Variants in MLIP observed in about 807,000 individuals in gnomAD.
MLIP encodes the protein muscular LMNA interacting protein.
In MLIP, 79 loss-of-function variants were observed where a neutral mutation model predicts 84.8. The ratio of observed to expected loss-of-function variants is 0.93; its 90% CI spans 0.78 to 1.12. MLIP has a LOEUF of 1.12. Among genes scored for constraint, MLIP ranks in the 50% most tolerant of loss-of-function variants. The pLI, the probability that MLIP is intolerant of heterozygous loss-of-function variation, is 0.00. For synonymous variants in MLIP, 504 were observed against 463.0 expected, an observed-to-expected ratio of 1.09 and a Z score of -1.14; for missense variants, 1,257 against 1,160.6, an observed-to-expected ratio of 1.08 and a Z score of -1.21.
At chr6:54,055,951 A>G (rs180832276) in intron 1 of MLIP, among the ~76,000 whole-genome samples, 1 of 152,158 alleles carries the variant, frequency 6.6e-6, no homozygotes, top group Non-Finnish European at 1.5e-5. Flanking sequence ...GATGTGGGTT[A>G]TCTGTGAGTT....
At chr6:54,115,182 T>C (rs1416106644) in intron 1 of MLIP, among the ~76,000 whole-genome samples, 1 of 151,996 alleles carries the variant, frequency 6.6e-6, no homozygotes, top group Non-Finnish European at 1.5e-5. Context: ...GTAGGTGTGG[T>C]TGTGTGGTTT....
At chr6:54,085,471 C>T (rs549075980) in intron 1 of MLIP, among the ~76,000 whole-genome samples, 2 of 152,266 alleles carry the variant, frequency 1.3e-5, no homozygotes, top group South Asian at 4.1e-4. Flanking sequence ...GTCTGGCACA[C>T]AGTAAACTTT....
At chr6:54,165,995 T>G (rs967618991) in intron 8 of MLIP, among the ~76,000 whole-genome samples, 1 of 151,852 alleles carries the variant, frequency 6.6e-6, no homozygotes, top group Non-Finnish European at 1.5e-5. Flanking sequence ...AGACACCAAA[T>G]CTGCTAGTGC....
intron 10 of MLIP, among the ~76,000 whole-genome samples, chr6:54,192,410 T>C (rs1778005823): frequency 6.6e-6 from 1 of 152,062 alleles, no homozygotes; most frequent in Non-Finnish European, 1.5e-5. Context: ...GTGAAATAAA[T>C]AGTGGAAAAT....
chr6:54,242,162 G>GA (rs1781782925), intron 12 of MLIP, among the ~76,000 whole-genome samples: 1 of 152,188 alleles, frequency 6.6e-6, no homozygotes, highest in African/African-American at 2.4e-5. Flanking sequence ...AGAAAGGAAA[G>GA]AAACTTTCAT....
chr6:54,217,674 T>A (rs1274953920), intron 11 of MLIP: 1 of 983,826 alleles, frequency 1.0e-6, no homozygotes, highest in Non-Finnish European at 1.2e-6. Flanking sequence ...AAACATTAGT[T>A]CTATGTATAC....
At chr6:54,083,944 G>A (rs1767325787) in intron 1 of MLIP, among the ~76,000 whole-genome samples, 1 of 152,016 alleles carries the variant, frequency 6.6e-6, no homozygotes, top group Non-Finnish European at 1.5e-5. Flanking sequence ...CTACTTTTTA[G>A]GACTAAATTT....
intron 5 of MLIP, among the ~76,000 whole-genome samples, chr6:54,151,342 C>CTTACTATAA (rs1773425125): frequency 1.3e-5 from 2 of 151,910 alleles, no homozygotes; most frequent in Admixed American, 6.6e-5. Context: ...TTGTATTGTT[C>CTTACTATAA]CTTTCAGTGT....
intron 1 of MLIP, among the ~76,000 whole-genome samples, chr6:54,084,911 T>C (rs1020905179): frequency 1.3e-5 from 2 of 152,200 alleles, no homozygotes; most frequent in African/African-American, 2.4e-5. Context: ...TGTCGAGACT[T>C]GAAGGCCTTT....
At chr6:54,044,679 C>T (rs2150307519) in intron 1 of MLIP, among the ~76,000 whole-genome samples, 1 of 150,754 alleles carries the variant, frequency 6.6e-6, no homozygotes, top group African/African-American at 2.4e-5. Context: ...CAAAAGAAGA[C>T]CTTAAGGTTT....
intron 11 of MLIP, chr6:54,217,058 C>A: frequency 1.0e-6 from 1 of 985,386 alleles, no homozygotes; most frequent in Non-Finnish European, 1.2e-6. Context: ...AAAATAAATG[C>A]TGCATTTAAA....
intron 1 of MLIP, among the ~76,000 whole-genome samples, chr6:54,054,944 C>G (rs1308579632): frequency 1.3e-5 from 2 of 151,438 alleles, no homozygotes; most frequent in South Asian, 2.1e-4. Context: ...CTGGAGTGCA[C>G]TGGCTTGATC....
chr6:54,073,013 C>T (rs1170167686), intron 1 of MLIP, among the ~76,000 whole-genome samples: 1 of 152,180 alleles, frequency 6.6e-6, no homozygotes, highest in Non-Finnish European at 1.5e-5. Flanking sequence ...CTTCCCTCAA[C>T]ATTGCTCCAC....
chr6:54,028,860 T>C (rs1286975872), intron 1 of MLIP: 2 of 152,234 alleles, frequency 1.3e-5, no homozygotes, highest in African/African-American at 2.4e-5. Context: ...CCTCCAGGGT[T>C]TGCAAAGTCA....
intron 1 of MLIP, among the ~76,000 whole-genome samples, chr6:54,039,775 T>C (rs1289042094): frequency 6.6e-6 from 1 of 151,950 alleles, no homozygotes; most frequent in Admixed American, 6.6e-5. Context: ...GCAAGCATCA[T>C]CTATGTTGAT....
intron 3 of MLIP, among the ~76,000 whole-genome samples, chr6:54,133,114 G>A (rs753520985): frequency 7.0e-4 from 107 of 152,124 alleles, no homozygotes; most frequent in Non-Finnish European, 1.4e-3. Flanking sequence ...GGGGATGAGG[G>A]GTGTGAGACT....
At chr6:54,262,702 G>A (rs1314338486) in intron 13 of MLIP, among the ~76,000 whole-genome samples, 3 of 152,020 alleles carry the variant, frequency 2.0e-5, no homozygotes, top group Non-Finnish European at 4.4e-5. Flanking sequence ...CCTGACAAAA[G>A]GCCCACCTGT....
At chr6:54,260,991 G>C (rs1783347438) in intron 13 of MLIP, among the ~76,000 whole-genome samples, 1 of 151,868 alleles carries the variant, frequency 6.6e-6, no homozygotes, top group Non-Finnish European at 1.5e-5. Flanking sequence ...TTTGACCATT[G>C]TGTCAGCTCA....
At chr6:54,252,221 A>G (rs1433873849) in intron 12 of MLIP, among the ~76,000 whole-genome samples, 1 of 111,500 alleles carries the variant, frequency 9.0e-6, no homozygotes, top group East Asian at 2.9e-4. Flanking sequence ...ATATATAACT[A>G]TATTATAACA....
Sources: gnomAD v4.1 joint callset for allele counts (sites outside exome capture counted in the v4.1 genomes callset) on GRCh38, gnomAD v4.1.1 for gene constraint, MANE v1.5 for transcripts, NCBI Gene and HGNC (gene_info 2026-07-23, HGNC 2026-07-21) for gene names.